PPM1L: variants seen among roughly 807,000 people sequenced by gnomAD.
The protein encoded by PPM1L is protein phosphatase, Mg2+/Mn2+ dependent 1L.
Under a neutral mutation model 31.4 loss-of-function variants are expected in PPM1L, and 13 were observed. The ratio of observed to expected loss-of-function variants is 0.41; its 90% CI spans 0.27 to 0.66. The LOEUF is 0.66. PPM1L is among the 30% of genes least tolerant of loss of function. The probability of loss-of-function intolerance (pLI) is 0.29; values close to 1 mark genes in which losing one functional copy is unlikely to be tolerated. For synonymous variants in PPM1L, 184 were observed against 175.4 expected (o/e 1.05, Z -0.39); for missense variants, 326 against 453.7 (o/e 0.72, Z 2.56).
intron 2 of PPM1L, among the ~76,000 whole-genome samples, chr3:160,996,781 A>G (rs546890252): frequency 6.6e-6 from 1 of 152,326 alleles, no homozygotes; most frequent in East Asian, 1.9e-4. Flanking sequence ...AAACCTATTG[A>G]AATCATAAAA....
chr3:161,041,733 G>A (rs1034526065), intron 2 of PPM1L, among the ~76,000 whole-genome samples: 2 of 152,084 alleles, frequency 1.3e-5, no homozygotes, highest in Non-Finnish European at 2.9e-5. Context: ...GGACAACAGA[G>A]TGAGACTGTG....
chr3:160,824,292 G>GA, intron 1 of PPM1L, among the ~76,000 whole-genome samples: 1 of 152,034 alleles, frequency 6.6e-6, no homozygotes, highest in Admixed American at 6.6e-5. Context: ...GACCATATTG[G>GA]CTCCCCAGAT....
intron 1 of PPM1L, among the ~76,000 whole-genome samples, chr3:160,808,910 C>T (rs544626981): frequency 6.6e-6 from 1 of 152,336 alleles, no homozygotes; most frequent in African/African-American, 2.4e-5. Flanking sequence ...ACCTGTCCCT[C>T]TCCTCATTGC....
chr3:160,764,668 A>C (rs571553682), intron 1 of PPM1L, among the ~76,000 whole-genome samples: 13 of 152,150 alleles, frequency 8.5e-5, no homozygotes, highest in African/African-American at 2.4e-4. Flanking sequence ...GGGTTTCACC[A>C]TGTTGGCCAG....
intron 1 of PPM1L, among the ~76,000 whole-genome samples, chr3:160,953,301 T>G (rs1481896725): frequency 6.6e-6 from 1 of 152,214 alleles, no homozygotes; most frequent in African/African-American, 2.4e-5. Context: ...AATTGCTTAC[T>G]ATTCACTAAG....
chr3:160,906,712 T>A (rs1464810570), intron 1 of PPM1L, among the ~76,000 whole-genome samples: 6 of 152,208 alleles, frequency 3.9e-5, no homozygotes, highest in Admixed American at 1.3e-4. Flanking sequence ...TATGGCTGAA[T>A]GCTCATCTGA....
intron 1 of PPM1L, among the ~76,000 whole-genome samples, chr3:160,879,079 T>C (rs1712615930): frequency 6.6e-6 from 1 of 152,216 alleles, no homozygotes; most frequent in South Asian, 2.1e-4. Flanking sequence ...GCTTTGAATG[T>C]AGCAAAGAAA....
intron 2 of PPM1L, among the ~76,000 whole-genome samples, chr3:161,051,107 C>T (rs1383001555): frequency 6.6e-6 from 1 of 152,120 alleles, no homozygotes; most frequent in African/African-American, 2.4e-5. Flanking sequence ...GCTATCCTCT[C>T]CACCACCCGC....
chr3:160,841,788 T>TA (rs1167073211), intron 1 of PPM1L, among the ~76,000 whole-genome samples: 1 of 152,176 alleles, frequency 6.6e-6, no homozygotes, highest in Non-Finnish European at 1.5e-5. Context: ...TTATTTTGAT[T>TA]AAAGAGACTA....
At chr3:160,791,754 T>A (rs1283098876) in intron 1 of PPM1L, among the ~76,000 whole-genome samples, 1 of 152,146 alleles carries the variant, frequency 6.6e-6, no homozygotes, top group Non-Finnish European at 1.5e-5. Context: ...CTTCTTTAGA[T>A]TGGATGGATG....
At chr3:160,963,008 T>C (rs540871469) in intron 2 of PPM1L, among the ~76,000 whole-genome samples, 1 of 152,048 alleles carries the variant, frequency 6.6e-6, no homozygotes, top group African/African-American at 2.4e-5. Flanking sequence ...ATTGGCTTTC[T>C]TCTGCCTAGC....
chr3:161,038,192 C>T (rs1442527001), intron 2 of PPM1L, among the ~76,000 whole-genome samples: 2 of 145,290 alleles, frequency 1.4e-5, no homozygotes, highest in Admixed American at 7.0e-5. Context: ...CGAGATCCCG[C>T]CGCTGCACTC....
chr3:160,823,862 T>A (rs541227321), intron 1 of PPM1L, among the ~76,000 whole-genome samples: 1 of 152,268 alleles, frequency 6.6e-6, no homozygotes, highest in Admixed American at 6.5e-5. Context: ...TCCAGAGCCC[T>A]TGACAAGAAT....
intron 1 of PPM1L, among the ~76,000 whole-genome samples, chr3:160,849,245 G>T (rs1039688174): frequency 6.6e-6 from 1 of 152,060 alleles, no homozygotes; most frequent in East Asian, 1.9e-4. Context: ...CCTGCCCTAG[G>T]ATTCTTTGGA....
At chr3:160,843,729 C>T (rs1713981928) in intron 1 of PPM1L, among the ~76,000 whole-genome samples, 1 of 151,580 alleles carries the variant, frequency 6.6e-6, no homozygotes, top group South Asian at 2.1e-4. Flanking sequence ...GTGGCGATTC[C>T]TCAGGGATCT....
chr3:161,068,179 C>A (rs1313414398), intron 3 of PPM1L, among the ~76,000 whole-genome samples: 1 of 152,146 alleles, frequency 6.6e-6, no homozygotes, highest in Non-Finnish European at 1.5e-5. Context: ...TTCTCAACAA[C>A]CCAATAAAAT....
At position 160,834,467 on chromosome 3, in the gene PPM1L, GTGTA is replaced by G. The variant is rs1400431142; in HGVS notation, c.399+77764_399+77767del. Among the ~76,000 whole-genome samples, 888 of 115,060 alleles carry G rather than the reference GTGTA, an allele frequency of 7.7e-3. 6 individuals are homozygous for G. The highest frequency in any genetic ancestry group is 0.041 in the African/African-American group (847 of 20,570). 75.5% of individuals were successfully genotyped at this position (115,060 alleles called of 152,430 possible). A position where few individuals can be genotyped will look rare whatever the true frequency, so the allele number is the denominator to read the frequency against. Reference sequence around the variant, plus strand: ...CCAGTTTTTACATGCATTTGTGTATGTGTATGTGTGTGTGTGTGTGTGTGTGTGT... The same window carrying G: ...CCAGTTTTTACATGCATTTGTGTATGTGTGTGTGTGTGTGTGTGTGTGTGT... On this transcript the variant is annotated intron_variant, in intron 1 of 3. Coordinates refer to ENST00000498165, the MANE Select transcript of PPM1L (RefSeq NM_139245.4).
intron 2 of PPM1L, among the ~76,000 whole-genome samples, chr3:161,018,403 C>G (rs1436491472): frequency 6.6e-6 from 1 of 152,118 alleles, no homozygotes; most frequent in Non-Finnish European, 1.5e-5. Context: ...TATGTTCTCT[C>G]TTCTTTCTAT....
intron 1 of PPM1L, among the ~76,000 whole-genome samples, chr3:160,834,692 A>G (rs1420188031): frequency 6.6e-6 from 1 of 152,078 alleles, no homozygotes; most frequent in African/African-American, 2.4e-5. Flanking sequence ...AACTTTTGAG[A>G]TTGACTCTTT....
Sources: gnomAD v4.1 joint callset for allele counts (sites outside exome capture counted in the v4.1 genomes callset) on GRCh38, gnomAD v4.1.1 for gene constraint, MANE v1.5 for transcripts, NCBI Gene and HGNC (gene_info 2026-07-23, HGNC 2026-07-21) for gene names.